LRRC7: variants seen among roughly 807,000 people sequenced by gnomAD.
LRRC7 encodes leucine rich repeat containing 7, also known as leucine-rich repeat-containing protein 7.
Under a neutral mutation model 175.7 loss-of-function variants are expected in LRRC7, and 23 were observed. The observed-to-expected ratio is 0.13, with a 90% CI of 0.09 to 0.19. The LOEUF is 0.19. Ranked by LOEUF, LRRC7 falls within the 10% of genes least tolerant of loss-of-function variation. The probability of loss-of-function intolerance (pLI) is 1.00; values close to 1 mark genes in which losing one functional copy is unlikely to be tolerated. For synonymous variants in LRRC7, 685 were observed against 680.9 expected (o/e 1.01, Z -0.09); for missense variants, 1,354 against 1,904.7 (o/e 0.71, Z 5.38).
chr1:69,729,990 T>A (rs1273570683), intron 2 of LRRC7, among the ~76,000 whole-genome samples: 1 of 152,172 alleles, frequency 6.6e-6, no homozygotes, highest in Non-Finnish European at 1.5e-5. Context: ...CAACACCACA[T>A]GAAAGCTACC....
chr1:69,810,997 T>TG (rs1283268735), intron 4 of LRRC7, among the ~76,000 whole-genome samples: 1 of 151,912 alleles, frequency 6.6e-6, no homozygotes, highest in East Asian at 1.9e-4. Flanking sequence ...ACATACAGAA[T>TG]GGGAAAACAT....
chr1:69,768,042 T>C (rs1671813841), intron 3 of LRRC7, among the ~76,000 whole-genome samples: 1 of 152,154 alleles, frequency 6.6e-6, no homozygotes, highest in Non-Finnish European at 1.5e-5. Flanking sequence ...CTGGGCTTTG[T>C]AGCTGAAACA....
chr1:69,654,887 A>G (rs7525668), intron 1 of LRRC7, among the ~76,000 whole-genome samples: 15,007 of 152,176 alleles, frequency 0.099, 839 homozygotes, highest in African/African-American at 0.16. Flanking sequence ...AATTTTTAAA[A>G]TATACATTTT....
At chr1:70,041,580 A>G (rs1278775495) in intron 21 of LRRC7, among the ~76,000 whole-genome samples, 1 of 152,226 alleles carries the variant, frequency 6.6e-6, no homozygotes, top group African/African-American at 2.4e-5. Context: ...AATACAGTAC[A>G]GTTTGGGAAC....
chr1:69,595,490 G>A (rs186071210), intron 1 of LRRC7, among the ~76,000 whole-genome samples: 297 of 152,312 alleles, frequency 1.9e-3, no homozygotes, highest in African/African-American at 6.4e-3. Flanking sequence ...AACGGATGGG[G>A]CTGGGTTTCA....
At chr1:69,825,948 G>T (rs1019731728) in intron 5 of LRRC7, 122 bp downstream of exon 5, 4 of 520,442 alleles carry the variant, frequency 7.7e-6, no homozygotes, top group African/African-American at 2.0e-5. Context: ...GCATTTAATA[G>T]AATGATGGGA....
intron 7 of LRRC7, among the ~76,000 whole-genome samples, chr1:69,849,802 G>T (rs1234112494): frequency 6.6e-6 from 1 of 151,970 alleles, no homozygotes; most frequent in African/African-American, 2.4e-5. Flanking sequence ...ATACTGATAA[G>T]TTCTCACTTT....
At chr1:69,579,812 T>G (rs80040554) in intron 1 of LRRC7, among the ~76,000 whole-genome samples, 1 of 146,028 alleles carries the variant, frequency 6.8e-6, no homozygotes, top group Non-Finnish European at 1.5e-5. Flanking sequence ...TTTTTTTTTT[T>G]TGGTAGAGCC....
At chr1:70,052,529 G>A (rs1347164375) in intron 22 of LRRC7, among the ~76,000 whole-genome samples, 1 of 152,080 alleles carries the variant, frequency 6.6e-6, no homozygotes, top group Non-Finnish European at 1.5e-5. Context: ...CACTATGCCA[G>A]TGTTAGCACT....
At chr1:69,692,489 A>C (rs1412494017) in intron 2 of LRRC7, among the ~76,000 whole-genome samples, 7 of 152,188 alleles carry the variant, frequency 4.6e-5, no homozygotes, top group African/African-American at 1.7e-4. Context: ...CTTTACCCAG[A>C]TATCAATCCC....
chr1:69,967,979 T>A (rs1651828879), intron 8 of LRRC7, among the ~76,000 whole-genome samples: 1 of 151,808 alleles, frequency 6.6e-6, no homozygotes, highest in Non-Finnish European at 1.5e-5. Context: ...GAAAAATAAT[T>A]CAGAAGGTTA....
intron 7 of LRRC7, among the ~76,000 whole-genome samples, chr1:69,910,884 A>G (rs2101701336): frequency 1.3e-5 from 2 of 152,260 alleles, no homozygotes; most frequent in South Asian, 2.1e-4. Flanking sequence ...TGTTTGCCTA[A>G]TCAAGCCTGG....
At chr1:69,692,934 A>G (rs910514533) in intron 2 of LRRC7, among the ~76,000 whole-genome samples, 4 of 152,150 alleles carry the variant, frequency 2.6e-5, no homozygotes, top group Non-Finnish European at 2.9e-5. Context: ...CATCCAATCC[A>G]TGAGGACGTG....
intron 7 of LRRC7, among the ~76,000 whole-genome samples, chr1:69,853,363 C>G (rs542494839): frequency 7.3e-6 from 1 of 137,326 alleles, no homozygotes; most frequent in East Asian, 2.5e-4. Context: ...ACTGCAACCT[C>G]TACCTCCTGG....
At chr1:69,757,339 G>C (rs58064908) in intron 2 of LRRC7, among the ~76,000 whole-genome samples, 1 of 151,888 alleles carries the variant, frequency 6.6e-6, no homozygotes, top group African/African-American at 2.4e-5. Context: ...AGGCTATGAG[G>C]TATCTAATTA....
At chr1:69,728,640 T>C (rs1232372961) in intron 2 of LRRC7, among the ~76,000 whole-genome samples, 1 of 152,206 alleles carries the variant, frequency 6.6e-6, no homozygotes, top group African/African-American at 2.4e-5. Context: ...ATTAATTACA[T>C]TTTCTTTCAT....
chr1:69,874,619 G>C (rs1685876210), intron 7 of LRRC7: 1 of 151,866 alleles, frequency 6.6e-6, no homozygotes, highest in Non-Finnish European at 1.5e-5. Context: ...TTACTGCCTA[G>C]GAAAGAAACA....
chr1:69,733,618 C>T (rs1342864541), intron 2 of LRRC7, among the ~76,000 whole-genome samples: 2 of 152,000 alleles, frequency 1.3e-5, no homozygotes, highest in Non-Finnish European at 2.9e-5. Context: ...CCTGTTGTAA[C>T]TTCAAATTTC....
chr1:69,857,706 A>G (rs1249161475), intron 7 of LRRC7, among the ~76,000 whole-genome samples: 2 of 152,168 alleles, frequency 1.3e-5, no homozygotes, highest in Non-Finnish European at 1.5e-5. Flanking sequence ...TATAGATTCA[A>G]TGCCATCCCC....
Sources: gnomAD v4.1 joint callset for allele counts (sites outside exome capture counted in the v4.1 genomes callset) on GRCh38, gnomAD v4.1.1 for gene constraint, MANE v1.5 for transcripts, NCBI Gene and HGNC (gene_info 2026-07-23, HGNC 2026-07-21) for gene names.